PPP1R1B: variants seen among roughly 807,000 people sequenced by gnomAD.
PPP1R1B encodes protein phosphatase 1 regulatory inhibitor subunit 1B.
In PPP1R1B, 13 loss-of-function variants were observed where a neutral mutation model predicts 28.2. The observed-to-expected ratio is 0.46, with a 90% CI of 0.30 to 0.73. The LOEUF (loss-of-function observed/expected upper bound fraction) is 0.73. Ranked by LOEUF, PPP1R1B falls within the 30% of genes least tolerant of loss-of-function variation. The probability of loss-of-function intolerance (pLI) is 0.07; values close to 1 mark genes in which losing one functional copy is unlikely to be tolerated. For synonymous variants in PPP1R1B, 102 were observed against 97.5 expected (o/e 1.05, Z -0.27); for missense variants, 236 against 256.7 (o/e 0.92, Z 0.55).
At position 39,635,012 on chromosome 17, in the gene PPP1R1B, A is replaced by G. The variant is rs143803335; in HGVS notation, c.446-595A>G. Among the ~76,000 whole-genome samples the G allele has an allele frequency of 5.5e-3, 838 of 152,332 alleles. 7 individuals are homozygous for G. Among genetic ancestry groups the G allele is most frequent in the African/African-American group, 0.019 (794 of 41,564 alleles). On this transcript the variant is annotated intron_variant, in intron 5 of 6. Transcript: ENST00000254079. ...GGAGTTCAAGACCAGTCCAGCCAAC[A>G]TGGTGAAACCCCATCTGTAATAAAA... is the stretch of plus-strand genomic sequence containing the variant.
At chr17:39,633,492 C>A (rs1262056040) in intron 4 of PPP1R1B, 1 of 204,314 alleles carries the variant, frequency 4.9e-6, no homozygotes. Flanking sequence ...CGCCCTGTGC[C>A]TTCTGCCTGG....
At chr17:39,629,128 C>A in intron 1 of PPP1R1B, 42 bp from the exon 2 acceptor site, 1 of 1,581,462 alleles carries the variant, frequency 6.3e-7, no homozygotes, top group Non-Finnish European at 8.7e-7. Context: ...TGGGGGAGGG[C>A]TGCAGGTGTC....
At chr17:39,627,797 A>C (rs1473777799) in intron 1 of PPP1R1B, among the ~76,000 whole-genome samples, 1 of 151,892 alleles carries the variant, frequency 6.6e-6, no homozygotes, top group Non-Finnish European at 1.5e-5. Flanking sequence ...CACAGTCCCC[A>C]AAGGGTAGTC....
At chr17:39,632,437 C>G (rs915153030) in intron 4 of PPP1R1B, 2 of 152,520 alleles carry the variant, frequency 1.3e-5, no homozygotes, top group Admixed American at 6.5e-5. Context: ...TACCTCCCCC[C>G]ACAGCCCTCA....
intron 4 of PPP1R1B, chr17:39,633,390 T>G: frequency 5.6e-6 from 1 of 178,172 alleles, no homozygotes; most frequent in South Asian, 1.2e-4. Context: ...ATGCATCGCA[T>G]GGGAGGTAGG....
chr17:39,630,976 G>A (rs2056872928), intron 4 of PPP1R1B, among the ~76,000 whole-genome samples: 1 of 152,156 alleles, frequency 6.6e-6, no homozygotes, highest in Non-Finnish European at 1.5e-5. Flanking sequence ...GGCTGAGGCA[G>A]GAGAATCACT....
chr17:39,629,415 C>G, intron 2 of PPP1R1B, 125 bp from the exon 3 acceptor site: 1 of 1,359,014 alleles, frequency 7.4e-7, no homozygotes, highest in East Asian at 2.3e-5. Context: ...AGGGAGAGGG[C>G]ACACTTTCCC....
chr17:39,628,905 C>T (rs2144835228), intron 1 of PPP1R1B, among the ~76,000 whole-genome samples: 1 of 152,316 alleles, frequency 6.6e-6, no homozygotes, highest in East Asian at 1.9e-4. Context: ...CAGGCATGGG[C>T]TGGGAGTCAG....
chr17:39,629,654 G>A, intron 3 of PPP1R1B, 92 bp downstream of exon 3: 1 of 1,366,002 alleles, frequency 7.3e-7, no homozygotes, highest in Non-Finnish European at 1.0e-6. Context: ...CCAGTATGGG[G>A]TGCCACCCAA....
At chr17:39,629,480 C>A in intron 2 of PPP1R1B, 60 bp from the exon 3 acceptor site, 1 of 1,602,344 alleles carries the variant, frequency 6.2e-7, no homozygotes, top group Admixed American at 1.7e-5. Context: ...TCTCTCTCTC[C>A]CTCTTCTCTT....
Position 39,636,015 on chromosome 17 carries a change from G to A in PPP1R1B, c.*150G>A, listed in dbSNP as rs538073489. 272 of 917,292 alleles carry A rather than the reference G, an allele frequency of 3.0e-4. 4 individuals carry two copies. In the South Asian group the frequency reaches 4.5e-3, roughly 15 times the overall value. 56.8% of individuals were successfully genotyped at this position (917,292 alleles called of 1,614,324 possible). A position where few individuals can be genotyped will look rare whatever the true frequency, so the allele number is the denominator to read the frequency against. Reference sequence around the variant, plus strand: ...AGAAGACTAAGGCTGGTCTGTGTTTGCTTGTTTGCCCACCTTTGGCTGATA... The same window carrying A: ...AGAAGACTAAGGCTGGTCTGTGTTTACTTGTTTGCCCACCTTTGGCTGATA... On this transcript the variant is annotated 3_prime_UTR_variant, in exon 7 of 7. Transcript: ENST00000254079.
At chr17:39,629,397 G>A (rs372626715) in intron 2 of PPP1R1B, 143 bp from the exon 3 acceptor site, 1 of 1,278,858 alleles carries the variant, frequency 7.8e-7, no homozygotes, top group African/African-American at 1.5e-5. Flanking sequence ...ACACCTCCCA[G>A]CCGCAGGAGG....
chr17:39,630,324 C>A (rs973993651), intron 4 of PPP1R1B: 2 of 445,390 alleles, frequency 4.5e-6, no homozygotes, highest in Non-Finnish European at 4.2e-6. Context: ...CAGGCATCCG[C>A]GTGGAAGGGA....
At chr17:39,629,670 C>A in intron 3 of PPP1R1B, 108 bp downstream of exon 3, 1 of 1,157,508 alleles carries the variant, frequency 8.6e-7, no homozygotes, top group Non-Finnish European at 1.3e-6. Flanking sequence ...CCCAAGAGGA[C>A]ACATTAGCAT....
chr17:39,628,793 G>A lies in PPP1R1B; in HGVS notation c.82-377G>A, dbSNP rs563326167. 7.9e-4 allele frequency: 633 copies of A among 796,336 alleles called. 5 individuals carry two copies. The African/African-American group carries it at 0.011, about 14-fold the overall frequency. 49.3% of individuals were successfully genotyped at this position (796,336 alleles called of 1,614,324 possible). A position where few individuals can be genotyped will look rare whatever the true frequency, so the allele number is the denominator to read the frequency against. ...GGCAGCTGGAGCTGTAGCCAGCTTT[G>A]GCTTCCGAGGTCTGATGTTTTCAGA... is the stretch of plus-strand genomic sequence containing the variant. On this transcript the variant is annotated intron_variant, in intron 1 of 6. Coordinates refer to ENST00000254079, the MANE Select transcript of PPP1R1B (RefSeq NM_032192.4).
At chr17:39,630,872 C>A (rs1205855748) in intron 4 of PPP1R1B, among the ~76,000 whole-genome samples, 2 of 152,190 alleles carry the variant, frequency 1.3e-5, no homozygotes, top group Non-Finnish European at 2.9e-5. Flanking sequence ...GAGTTTGAGA[C>A]CAGCCTGACC....
intron 1 of PPP1R1B, 74 bp downstream of exon 1, chr17:39,627,547 T>G: frequency 1.0e-6 from 1 of 985,546 alleles, no homozygotes; most frequent in Non-Finnish European, 1.4e-6. Flanking sequence ...CCCAAGGCGC[T>G]GCCCCGGCCG....
At position 39,628,495 on chromosome 17, in the gene PPP1R1B, A is replaced by G. The variant is rs564525218; in HGVS notation, c.82-675A>G. ...GCTTGGCTCACGTAGCAAGGAGGGC[A>G]ACTTTTCATTTCTCACAAGGACTGG... On this transcript the variant is annotated intron_variant, in intron 1 of 6. Transcript: ENST00000254079. The G allele has an allele frequency of 1.5e-4, 148 of 985,566 alleles. 2 individuals carry two copies. In the Middle Eastern group the frequency reaches 3.1e-3, roughly 21 times the overall value. The allele number at this position is 985,566 out of a possible 1,614,324, so 61.1% of individuals were successfully genotyped here. A position where few individuals can be genotyped will look rare whatever the true frequency, so the allele number is the denominator to read the frequency against.
At position 39,633,865 on chromosome 17, in the gene PPP1R1B, CGG is replaced by C; in HGVS notation, c.242-17_242-16del. ...GTGTCTAGCTGACCCTTGCTTTCCT[CGG>C]TCTCCTCTGTGCCAGCTGTGCAGCG... is the stretch of plus-strand genomic sequence containing the variant. On this transcript the variant is annotated splice_polypyrimidine_tract_variant and intron_variant, in intron 4 of 6. Transcript: ENST00000254079. 1 of 1,612,706 alleles carries C rather than the reference CGG, an allele frequency of 6.2e-7. No homozygotes were observed. The highest frequency in any genetic ancestry group is 8.5e-7 in the Non-Finnish European group (1 of 1,179,552).
Sources: allele counts gnomAD v4.1 joint callset (sites outside exome capture counted in the v4.1 genomes callset), GRCh38; gene constraint gnomAD v4.1.1; transcripts MANE v1.5; gene names NCBI Gene and HGNC (gene_info 2026-07-23, HGNC 2026-07-21).